The following LDLRAD4 variants were observed in gnomAD, a reference collection of about 807,000 sequenced individuals.
LDLRAD4 encodes low-density lipoprotein receptor class A domain-containing protein 4.
LDLRAD4 carries 5 observed loss-of-function variants against 17.0 expected under a neutral mutation model. The observed-to-expected ratio is 0.29, with a 90% CI of 0.15 to 0.62. The LOEUF (loss-of-function observed/expected upper bound fraction) is 0.62, where lower values mean the gene tolerates loss of function less well. Among genes scored for constraint, LDLRAD4 ranks in the 20% least tolerant of loss-of-function variants. The pLI, the probability that LDLRAD4 is intolerant of heterozygous loss-of-function variation, is 0.84. For synonymous variants in LDLRAD4, 168 were observed against 171.8 expected (o/e 0.98, Z 0.17); for missense variants, 340 against 424.7 (o/e 0.80, Z 1.75).
intron 1 of LDLRAD4, among the ~76,000 whole-genome samples, chr18:13,224,371 G>A (rs534845754): frequency 2.1e-3 from 322 of 152,236 alleles, no homozygotes; most frequent in Non-Finnish European, 4.0e-3. Flanking sequence ...TAACTGCCTG[G>A]GTCTGGGGGT....
At chr18:13,520,789 G>C (rs995883837) in intron 3 of LDLRAD4, 1 of 152,224 alleles carries the variant, frequency 6.6e-6, no homozygotes, top group Non-Finnish European at 1.5e-5. Context: ...AGAGTTAGGG[G>C]CTGCAGTGAG....
intron 1 of LDLRAD4, among the ~76,000 whole-genome samples, chr18:13,224,519 G>A (rs1195198521): frequency 6.0e-5 from 7 of 116,204 alleles, no homozygotes; most frequent in African/African-American, 2.3e-4. Flanking sequence ...TCGCTCTGTC[G>A]CCCAGGCTGG....
chr18:13,449,790 G>C (rs982906359), intron 3 of LDLRAD4, among the ~76,000 whole-genome samples: 2 of 152,254 alleles, frequency 1.3e-5, no homozygotes, highest in Admixed American at 1.3e-4. Context: ...CTTGGGGGAA[G>C]GTCAGCTATG....
At chr18:13,296,817 T>C (rs1234318699) in intron 1 of LDLRAD4, among the ~76,000 whole-genome samples, 3 of 152,244 alleles carry the variant, frequency 2.0e-5, no homozygotes, top group Non-Finnish European at 4.4e-5. Flanking sequence ...GCATTTCTTT[T>C]CAGCCTTTAA....
chr18:13,224,733 G>A (rs1227467231), intron 1 of LDLRAD4, among the ~76,000 whole-genome samples: 1 of 151,632 alleles, frequency 6.6e-6, no homozygotes, highest in Non-Finnish European at 1.5e-5. Flanking sequence ...GCCCGTCTTG[G>A]CCTCCCAAAG....
At chr18:13,336,356 G>A (rs1291524817) in intron 1 of LDLRAD4, among the ~76,000 whole-genome samples, 1 of 152,158 alleles carries the variant, frequency 6.6e-6, no homozygotes, top group Non-Finnish European at 1.5e-5. Context: ...ATTTTGGAAT[G>A]GCCTGGGTGC....
At chr18:13,291,461 G>A (rs971145596) in intron 1 of LDLRAD4, among the ~76,000 whole-genome samples, 1 of 152,156 alleles carries the variant, frequency 6.6e-6, no homozygotes, top group Non-Finnish European at 1.5e-5. Context: ...AGGGTGAGGC[G>A]CAGATGGCTG....
intron 1 of LDLRAD4, among the ~76,000 whole-genome samples, chr18:13,284,330 G>A (rs2045481458): frequency 6.6e-6 from 1 of 152,092 alleles, no homozygotes; most frequent in South Asian, 2.1e-4. Flanking sequence ...CCTGCTTGTT[G>A]GATTCTGTCT....
chr18:13,609,855 G>C (rs566843184), intron 3 of LDLRAD4, among the ~76,000 whole-genome samples: 1 of 152,090 alleles, frequency 6.6e-6, no homozygotes, highest in Admixed American at 6.5e-5. Flanking sequence ...GTTGGCGCAC[G>C]CCTGTAATCC....
intron 2 of LDLRAD4, among the ~76,000 whole-genome samples, chr18:13,395,658 G>A (rs2086622238): frequency 1.2e-5 from 1 of 85,840 alleles, no homozygotes; most frequent in Admixed American, 1.2e-4. Context: ...TGGCGTGGGG[G>A]CAGGAGCTGG....
intron 4 of LDLRAD4, among the ~76,000 whole-genome samples, chr18:13,636,736 G>A (rs1375568830): frequency 2.0e-5 from 3 of 151,708 alleles, no homozygotes; most frequent in African/African-American, 7.3e-5. Context: ...CTGACCTCAG[G>A]TGATTTGCCT....
intron 2 of LDLRAD4, among the ~76,000 whole-genome samples, chr18:13,393,113 C>CCGCG (rs1191650780): frequency 6.6e-6 from 1 of 152,062 alleles, no homozygotes; most frequent in African/African-American, 2.4e-5. Context: ...CACAGACCTT[C>CCGCG]CGCGCATTCC....
intron 1 of LDLRAD4, among the ~76,000 whole-genome samples, chr18:13,233,357 A>C (rs2042175922): frequency 6.6e-6 from 1 of 152,162 alleles, no homozygotes; most frequent in African/African-American, 2.4e-5. Context: ...TGGGTTGGCA[A>C]GGTTGGCAGA....
intron 4 of LDLRAD4, among the ~76,000 whole-genome samples, chr18:13,632,491 A>G (rs1399652688): frequency 1.3e-5 from 2 of 152,194 alleles, no homozygotes; most frequent in Non-Finnish European, 2.9e-5. Context: ...TGCAGCATCC[A>G]CTGCAGGCAC....
chr18:13,353,414 T>A, intron 1 of LDLRAD4, among the ~76,000 whole-genome samples: 1 of 152,224 alleles, frequency 6.6e-6, no homozygotes, highest in East Asian at 1.9e-4. Context: ...CAAGTATAGA[T>A]GGTGGCTTTT....
chr18:13,229,628 T>C (rs974149081), intron 1 of LDLRAD4, among the ~76,000 whole-genome samples: 3 of 152,192 alleles, frequency 2.0e-5, no homozygotes, highest in Non-Finnish European at 4.4e-5. Flanking sequence ...TAAGCAGTTT[T>C]TCAAGAAAGG....
Position 13,605,305 on chromosome 18 carries a change from C to A in LDLRAD4, c.182-15812C>A, listed in dbSNP as rs143511142. Among the ~76,000 whole-genome samples, 591 of 152,344 alleles carry A rather than the reference C, an allele frequency of 3.9e-3. 7 individuals are homozygous for A. The highest frequency in any genetic ancestry group is 5.5e-3 in the Non-Finnish European group (373 of 68,024). On this transcript the variant is annotated intron_variant, in intron 3 of 5. Transcript: ENST00000359446. ...CAATCACAGCTCACTGCACTCTCGA[C>A]CTCCTGGGCTCAAGTGATCCTCCTG...
At chr18:13,572,295 TG>T (rs760306721) in intron 3 of LDLRAD4, among the ~76,000 whole-genome samples, 2 of 152,258 alleles carry the variant, frequency 1.3e-5, no homozygotes, top group Non-Finnish European at 2.9e-5. Context: ...GGCCTGCTGC[TG>T]AGCCACCCCT....
At chr18:13,533,645 A>G (rs566766078) in intron 3 of LDLRAD4, among the ~76,000 whole-genome samples, 1 of 152,352 alleles carries the variant, frequency 6.6e-6, no homozygotes, top group East Asian at 1.9e-4. Context: ...GAATCTTACC[A>G]TGAAGCAGTA....
Sources: allele counts gnomAD v4.1 joint callset (sites outside exome capture counted in the v4.1 genomes callset), GRCh38; gene constraint gnomAD v4.1.1; transcripts MANE v1.5; gene names NCBI Gene and HGNC (gene_info 2026-07-23, HGNC 2026-07-21).